ARFGEF3: variants seen among roughly 807,000 people sequenced by gnomAD.
ARFGEF3 encodes the protein brefeldin A-inhibited guanine nucleotide-exchange protein 3.
In ARFGEF3, 96 loss-of-function variants were observed where a neutral mutation model predicts 221.7. The ratio of observed to expected loss-of-function variants is 0.43; its 90% confidence interval spans 0.37 to 0.51. The LOEUF is 0.51. ARFGEF3 is among the 20% of genes least tolerant of loss of function. The probability of loss-of-function intolerance (pLI) is 0.00; values close to 1 mark genes in which losing one functional copy is unlikely to be tolerated. For missense variants in ARFGEF3, 2,410 were observed against 2,789.9 expected, an observed-to-expected ratio of 0.86 and a Z score of 3.07; for synonymous variants, 1,145 against 1,126.8, an observed-to-expected ratio of 1.02 and a Z score of -0.32.
Position 138,307,268 on chromosome 6 carries a change from G to A in ARFGEF3, c.3844G>A (p.Gly1282Ser). ...CCTCTACCAGGTTGTCACATCCATT[G>A]GTGAGCTGGTTGAAGTGTGTTCCAC... The part of the protein sequence containing the change: ...DVQDQVVTSI[G>S]ELVEVCSTQI... Residue 1282 changes from glycine (G) to serine (S), a missense_variant, in exon 23 of 34, where the codon GGT becomes AGT. This residue lies in a region of ARFGEF3 where 723 missense variants were observed against 991.9 expected (regional missense o/e 0.73). Coordinates refer to ENST00000251691, the MANE Select transcript of ARFGEF3 (RefSeq NM_020340.5). The A allele has an allele frequency of 1.2e-6, 2 of 1,613,766 alleles. No individual in the cohort carries two copies. The highest frequency in any genetic ancestry group is 1.1e-5 in the South Asian group (1 of 91,006).
Position 138,298,644 on chromosome 6 carries a change from T to G in ARFGEF3, c.3687T>G (p.Ala1229=), listed in dbSNP as rs1217918160. ...CHKERHVSQK[A]VSFIHDILTE... ...AGGAAAGACATGTGTCTCAGAAGGC[T>G]GTTTCCTTCATCCATGACATACTGA... is the stretch of plus-strand genomic sequence containing the variant. The change falls in exon 22 of 34, where the codon GCT becomes GCG. Residue 1229 remains alanine, a synonymous_variant. Transcript: ENST00000251691. 6.2e-7 allele frequency: 1 copy of G among 1,613,376 alleles called. No homozygotes were observed. Among genetic ancestry groups the G allele is most frequent in the Non-Finnish European group, 8.5e-7 (1 of 1,179,726 alleles).
chr6:138,295,411 GGAGTTC>G (rs907993297), intron 20 of ARFGEF3, among the ~76,000 whole-genome samples: 18 of 152,066 alleles, frequency 1.2e-4, no homozygotes, highest in Admixed American at 1.0e-3. Flanking sequence ...CCTGAGGTCA[GGAGTTC>G]GAGACAAGCC....
Position 138,323,543 on chromosome 6 carries a change from G to A in ARFGEF3, c.4767-128G>A, listed in dbSNP as rs558543506. 3.7e-4 allele frequency: 258 copies of A among 692,910 alleles called. 9 individuals are homozygous for A. The South Asian group carries it at 4.2e-3, about 11-fold the overall frequency. The allele number at this position is 692,910 out of a possible 1,614,324, so 42.9% of individuals were successfully genotyped here. ...GGAGAATTGCTTGAACCCGGGAGAT[G>A]GAGGTTGCAGTGAGCCAAGATCATG... On this transcript the variant is annotated intron_variant, in intron 29 of 33. Transcript: ENST00000251691.
chr6:138,186,394 A>T (rs558803900), intron 2 of ARFGEF3, among the ~76,000 whole-genome samples: 2 of 152,310 alleles, frequency 1.3e-5, no homozygotes, highest in African/African-American at 2.4e-5. Flanking sequence ...CTTCCATTAT[A>T]TGTGACTCTT....
rs775689172 is a variant in ARFGEF3 at position 138,210,008 on chromosome 6, G to A, written c.318G>A (p.Ser106=). 14 of 1,613,660 alleles carry A rather than the reference G, an allele frequency of 8.7e-6. No homozygotes were observed. The highest frequency in any genetic ancestry group is 6.7e-5 in the African/African-American group (5 of 74,906). Residue 106 remains serine (S), a synonymous_variant, in exon 4 of 34, where the codon TCG becomes TCA. Transcript: ENST00000251691. Reference sequence around the variant, plus strand: ...TGAATGCCGTGAAAGTGACGCCTTCGCTCAACGAGGACCTGCAGGTGGAAG... The same window carrying A: ...TGAATGCCGTGAAAGTGACGCCTTCACTCAACGAGGACCTGCAGGTGGAAG... ...QILNAVKVTP[S]LNEDLQVEVM...
At chr6:138,274,446 T>C (rs1779059331) in intron 12 of ARFGEF3, among the ~76,000 whole-genome samples, 1 of 152,196 alleles carries the variant, frequency 6.6e-6, no homozygotes, top group African/African-American at 2.4e-5. Flanking sequence ...ACACTGCTCA[T>C]GTTCTAACCA....
intron 13 of ARFGEF3, among the ~76,000 whole-genome samples, chr6:138,278,963 G>A (rs1226861307): frequency 2.6e-5 from 4 of 152,122 alleles, no homozygotes; most frequent in Admixed American, 2.0e-4. Context: ...CATCATTGAC[G>A]TGTTAAGGGA....
At position 138,291,951 on chromosome 6, in the gene ARFGEF3, G is replaced by A. The variant is rs747572122; in HGVS notation, c.3266G>A (p.Arg1089Gln). The A allele has an allele frequency of 4.6e-6, 7 of 1,529,100 alleles. No homozygotes were observed. Among genetic ancestry groups the A allele is most frequent in the Middle Eastern group, 1.7e-4 (1 of 5,852 alleles). The allele number at this position is 1,529,100 out of a possible 1,614,324, so 94.7% of individuals were successfully genotyped here. A position where few individuals can be genotyped will look rare whatever the true frequency, so the allele number is the denominator to read the frequency against. The change falls in exon 19 of 34, where the codon CGG (arginine) becomes CAG (glutamine). Residue 1089 changes from arginine (R) to glutamine (Q), a missense_variant. Physicochemically the swap from Arg to Gln is conservative, Grantham distance 43 (BLOSUM62 1). Transcript: ENST00000251691. This position sits in a 1 kb window ranked among gnomAD's most constrained non-coding sequence, Gnocchi z 4.5. ...CCCCTGTCCATCCAGGACCTCGTCC[G>A]GGAAGGCAGCCGGGGTCGGGCCTCC... The part of the protein sequence containing the change: ...VQPLSIQDLV[R>Q]EGSRGRASDF...
chr6:138,230,462 G>A (rs901164990), intron 5 of ARFGEF3, among the ~76,000 whole-genome samples: 1 of 152,060 alleles, frequency 6.6e-6, no homozygotes, highest in African/African-American at 2.4e-5. Context: ...TAATATGCTT[G>A]GAATAATTTC....
chr6:138,262,977 G>A lies in ARFGEF3; in HGVS notation c.1494G>A (p.Glu498=), dbSNP rs1159867162. 1 of 1,598,920 alleles carries A rather than the reference G, an allele frequency of 6.3e-7. No homozygotes were observed. The highest frequency in any genetic ancestry group is 8.5e-7 in the Non-Finnish European group (1 of 1,172,930). ...SEHTPWESGN[E]RSLDISISVT... ...ACACGCCGTGGGAGTCAGGGAACGA[G>A]AGGAGCCTTGACATCAGCATCAGTG... Residue 498 remains glutamate (E), a synonymous_variant, in exon 12 of 34, where the codon GAG becomes GAA. Coordinates refer to ENST00000251691, the MANE Select transcript of ARFGEF3 (RefSeq NM_020340.5).
At chr6:138,279,896 TTTAGTTCAGGG>T (rs1318268671) in intron 13 of ARFGEF3, 92 bp from the exon 14 acceptor site, 50 of 1,140,912 alleles carry the variant, frequency 4.4e-5, no homozygotes, top group Non-Finnish European at 5.6e-5. Flanking sequence ...CAAGCCTTGG[TTTAGTTCAGGG>T]CTCTGTGACG....
chr6:138,323,631 ACAAC>A, intron 29 of ARFGEF3, 36 bp from the exon 30 acceptor site: 3 of 1,564,662 alleles, frequency 1.9e-6, no homozygotes, highest in Non-Finnish European at 2.6e-6. Context: ...AACAACAACA[ACAAC>A]AAAAAAAAAA....
intron 14 of ARFGEF3, among the ~76,000 whole-genome samples, chr6:138,284,131 C>G (rs747757503): frequency 3.9e-5 from 6 of 151,990 alleles, no homozygotes; most frequent in Non-Finnish European, 7.4e-5. Flanking sequence ...GTGGTGAAAC[C>G]CCGTCTCTAT....
intron 22 of ARFGEF3, among the ~76,000 whole-genome samples, chr6:138,300,865 A>C (rs957205852): frequency 6.6e-6 from 1 of 152,242 alleles, no homozygotes; most frequent in African/African-American, 2.4e-5. Flanking sequence ...AATCCCTGAC[A>C]TGAGATTAAG....
At chr6:138,228,296 C>T (rs1221309981) in intron 4 of ARFGEF3, among the ~76,000 whole-genome samples, 2 of 151,182 alleles carry the variant, frequency 1.3e-5, no homozygotes, top group African/African-American at 4.9e-5. Context: ...CCTGCCTCAG[C>T]CTCCCGGATA....
Position 138,261,563 on chromosome 6 carries a change from G to T in ARFGEF3, c.1141G>T (p.Gly381Ter). The change falls in exon 11 of 34, where the codon GGA becomes TGA. Residue 381 changes from glycine to a stop codon, truncating the protein, a stop_gained. Transcript: ENST00000251691. LOFTEE classifies it high-confidence loss of function. Reference protein sequence around the residue: ...GSPQRLCDLAGPSSTESESRK... With the variant: ...GSPQRLCDLA Reference sequence around the variant, plus strand: ...CCCACAGCGTCTCTGTGACTTGGCAGGACCCAGCTCCACTGAATCAGAGTC... The same window carrying T: ...CCCACAGCGTCTCTGTGACTTGGCATGACCCAGCTCCACTGAATCAGAGTC... 6.3e-7 allele frequency: 1 copy of T among 1,579,740 alleles called. No individual in the cohort carries two copies. The highest frequency in any genetic ancestry group is 2.3e-5 in the East Asian group (1 of 43,658).
intron 1 of ARFGEF3, among the ~76,000 whole-genome samples, chr6:138,165,848 A>G (rs977925039): frequency 6.6e-6 from 1 of 152,210 alleles, no homozygotes; most frequent in Non-Finnish European, 1.5e-5. Context: ...TATTTAGACC[A>G]TATCAAGAAA....
intron 24 of ARFGEF3, among the ~76,000 whole-genome samples, chr6:138,311,200 G>A (rs1173822346): frequency 6.6e-6 from 1 of 152,240 alleles, no homozygotes; most frequent in African/African-American, 2.4e-5. Context: ...GGTCCCAACT[G>A]TATTTAACAT....
chr6:138,275,406 A>C (rs1779079049), intron 12 of ARFGEF3, among the ~76,000 whole-genome samples: 1 of 152,112 alleles, frequency 6.6e-6, no homozygotes, highest in African/African-American at 2.4e-5. Flanking sequence ...ATTATTTTCC[A>C]CTTTGAAAGC....
Sources: gnomAD v4.1 joint callset for allele counts (sites outside exome capture counted in the v4.1 genomes callset) on GRCh38, gnomAD v4.1.1 for gene constraint, gnomAD v4.1.1 regional missense constraint, Gnocchi (gnomAD v3.1) non-coding constraint, MANE v1.5 for transcripts, NCBI Gene and HGNC (gene_info 2026-07-23, HGNC 2026-07-21) for gene names.